The following PTPRD variants were observed in gnomAD, a reference collection of about 807,000 sequenced individuals.
PTPRD encodes protein tyrosine phosphatase receptor type D, also known as receptor-type tyrosine-protein phosphatase delta.
Under a neutral mutation model 214.5 loss-of-function variants are expected in PTPRD, and 34 were observed. That is an observed-to-expected ratio of 0.16 (90% CI 0.12 to 0.21). The LOEUF (loss-of-function observed/expected upper bound fraction) is 0.21. PTPRD is among the 10% of genes least tolerant of loss of function. The pLI is 1.00. For synonymous variants in PTPRD, 1,128 were observed against 845.7 expected, an observed-to-expected ratio of 1.33 and a Z score of -5.79; for missense variants, 2,545 against 2,398.7, an observed-to-expected ratio of 1.06 and a Z score of -1.27.
At chr9:9,871,786 C>T (rs115419215) in intron 5 of PTPRD, among the ~76,000 whole-genome samples, 3,640 of 152,182 alleles carry the variant, frequency 0.024, 110 homozygotes, top group African/African-American at 0.078. Context: ...GGGTAAGCAA[C>T]CTAACCTCCT....
chr9:8,459,572 C>T (rs1216976503), intron 33 of PTPRD, among the ~76,000 whole-genome samples: 1 of 151,858 alleles, frequency 6.6e-6, no homozygotes, highest in African/African-American at 2.4e-5. Flanking sequence ...AGAACAATTA[C>T]TAATGTCCTC....
chr9:9,407,001 T>C (rs917572978), intron 8 of PTPRD, among the ~76,000 whole-genome samples: 1 of 151,786 alleles, frequency 6.6e-6, no homozygotes, highest in Non-Finnish European at 1.5e-5. Context: ...GTAAATTACT[T>C]ACCCTCTCTG....
chr9:10,034,489 T>C (rs768379672), intron 3 of PTPRD, among the ~76,000 whole-genome samples: 2 of 149,510 alleles, frequency 1.3e-5, no homozygotes, highest in Admixed American at 1.3e-4. Flanking sequence ...AAACGTGTCA[T>C]AGGCGTTTGT....
intron 3 of PTPRD, among the ~76,000 whole-genome samples, chr9:10,151,179 G>T (rs2099058447): frequency 6.9e-6 from 1 of 144,164 alleles, no homozygotes; most frequent in Non-Finnish European, 1.5e-5. Context: ...TCCTTTCTCA[G>T]CCTCCCGAGT....
At chr9:8,669,144 A>G (rs993028311) in intron 12 of PTPRD, among the ~76,000 whole-genome samples, 3 of 152,144 alleles carry the variant, frequency 2.0e-5, no homozygotes, top group African/African-American at 7.2e-5. Flanking sequence ...TTAGGGATGC[A>G]TGTAGGCAGA....
At chr9:8,712,145 G>A (rs2098348945) in intron 12 of PTPRD, among the ~76,000 whole-genome samples, 1 of 152,178 alleles carries the variant, frequency 6.6e-6, no homozygotes, top group Non-Finnish European at 1.5e-5. Flanking sequence ...GCAATGCAGA[G>A]TGTGACAAAT....
At chr9:10,532,864 C>G (rs926554766) in intron 2 of PTPRD, among the ~76,000 whole-genome samples, 2 of 151,790 alleles carry the variant, frequency 1.3e-5, no homozygotes, top group Non-Finnish European at 2.9e-5. Context: ...TTTATGGCTC[C>G]TCATGTAAAT....
intron 2 of PTPRD, among the ~76,000 whole-genome samples, chr9:10,402,877 G>A (rs975900375): frequency 1.3e-5 from 2 of 151,542 alleles, no homozygotes; most frequent in Non-Finnish European, 3.0e-5. Flanking sequence ...CTAAGGAGTA[G>A]TAGGCTTTAG....
intron 10 of PTPRD, among the ~76,000 whole-genome samples, chr9:9,045,942 C>G (rs2099671138): frequency 1.3e-5 from 2 of 152,264 alleles, no homozygotes; most frequent in East Asian, 3.9e-4. Context: ...ATCGGTTTAT[C>G]CAGATGCTTC....
intron 34 of PTPRD, among the ~76,000 whole-genome samples, chr9:8,442,451 T>C (rs1358154184): frequency 3.3e-5 from 5 of 152,192 alleles, no homozygotes; most frequent in African/African-American, 1.2e-4. Context: ...ACATGATTTT[T>C]TTCTGTCACT....
intron 11 of PTPRD, among the ~76,000 whole-genome samples, chr9:8,858,674 C>T (rs926784642): frequency 9.1e-6 from 1 of 109,924 alleles, no homozygotes; most frequent in African/African-American, 3.1e-5. Context: ...TGCGCCCGGA[C>T]GCGGGGAGAG....
chr9:10,074,382 G>A (rs2098093684), intron 3 of PTPRD, among the ~76,000 whole-genome samples: 1 of 152,076 alleles, frequency 6.6e-6, no homozygotes. Context: ...AGAAATAAAA[G>A]AATATGGCTC....
chr9:10,068,790 A>G (rs554268134), intron 3 of PTPRD, among the ~76,000 whole-genome samples: 164 of 152,088 alleles, frequency 1.1e-3, no homozygotes, highest in African/African-American at 3.7e-3. Context: ...AAGAAGAATG[A>G]GCACAGAAAT....
intron 9 of PTPRD, among the ~76,000 whole-genome samples, chr9:9,251,071 C>T (rs1310831643): frequency 6.6e-6 from 1 of 151,902 alleles, no homozygotes; most frequent in African/African-American, 2.4e-5. Context: ...TTCTTTATAC[C>T]ACTTTTAATA....
At chr9:9,555,925 A>G (rs1407937381) in intron 8 of PTPRD, among the ~76,000 whole-genome samples, 1 of 152,148 alleles carries the variant, frequency 6.6e-6, no homozygotes, top group African/African-American at 2.4e-5. Context: ...ACTAAAATAG[A>G]ACCTTTGCTT....
At chr9:10,194,547 T>C (rs1032437211) in intron 3 of PTPRD, among the ~76,000 whole-genome samples, 2 of 152,000 alleles carry the variant, frequency 1.3e-5, no homozygotes, top group African/African-American at 4.8e-5. Flanking sequence ...TTTGAATTAC[T>C]CCTATTCTGG....
intron 21 of PTPRD, among the ~76,000 whole-genome samples, chr9:8,509,883 C>T (rs547937016): frequency 4.5e-4 from 69 of 152,282 alleles, no homozygotes; most frequent in African/African-American, 1.6e-3. Flanking sequence ...GGCTAGACGA[C>T]TTGATGCAAA....
At chr9:9,944,243 C>T (rs2092179533) in intron 4 of PTPRD, among the ~76,000 whole-genome samples, 1 of 152,122 alleles carries the variant, frequency 6.6e-6, no homozygotes, top group Non-Finnish European at 1.5e-5. Flanking sequence ...CCTTAACAAC[C>T]TATAGTAGAT....
chr9:8,537,753 A>G (rs980432174), intron 14 of PTPRD, among the ~76,000 whole-genome samples: 1 of 152,032 alleles, frequency 6.6e-6, no homozygotes, highest in African/African-American at 2.4e-5. Context: ...AGGAGTTTGC[A>G]AGGTACTCCG....
Sources: allele counts gnomAD v4.1 joint callset (sites outside exome capture counted in the v4.1 genomes callset), GRCh38; gene constraint gnomAD v4.1.1; transcripts MANE v1.5; gene names NCBI Gene and HGNC (gene_info 2026-07-23, HGNC 2026-07-21).